The following ZNF608 variants were observed in gnomAD, a reference collection of about 807,000 sequenced individuals.
ZNF608 encodes renal carcinoma antigen NY-REN-36.
ZNF608 carries 12 observed loss-of-function variants against 109.0 expected under a neutral mutation model. That is an observed-to-expected ratio of 0.11 (90% CI 0.07 to 0.18). The LOEUF is 0.18. Ranked by LOEUF, ZNF608 falls within the 10% of genes least tolerant of loss-of-function variation. The probability of loss-of-function intolerance (pLI) is 1.00; values close to 1 mark genes in which losing one functional copy is unlikely to be tolerated. For missense variants in ZNF608, 1,707 were observed against 1,879.3 expected (o/e 0.91, Z 1.70); for synonymous variants, 732 against 717.4 (o/e 1.02, Z -0.33).
chr5:124,709,298 G>A (rs1753396913), intron 2 of ZNF608, among the ~76,000 whole-genome samples: 1 of 151,198 alleles, frequency 6.6e-6, no homozygotes, highest in Admixed American at 6.6e-5. Context: ...AGGTCACAAA[G>A]CAAGAGAATG....
chr5:124,653,269 G>A (rs1389255003), intron 3 of ZNF608, among the ~76,000 whole-genome samples: 3 of 152,142 alleles, frequency 2.0e-5, no homozygotes, highest in African/African-American at 7.2e-5. Context: ...TAAGAACAAG[G>A]TCTTTATTAT....
Position 124,649,122 on chromosome 5 carries a change from G to T in ZNF608, c.1262C>A (p.Ser421Ter). ...HDWAPPRFCE[S>*]PTSDLEMRGG... ...TCTCATCTCCAGGTCACTTGTCGGT[G>T]ACTCACAAAACCTATGGAAGCAAGT... Residue 421 changes from serine to a stop codon, truncating the protein, a stop_gained, in exon 5 of 10, where the codon TCA becomes TAA. Coordinates refer to ENST00000513986, the MANE Select transcript of ZNF608 (RefSeq NM_020747.3). LOFTEE classifies it high-confidence loss of function. The T allele has an allele frequency of 6.4e-7, 1 of 1,562,832 alleles. No individual in the cohort carries two copies. Among genetic ancestry groups the T allele is most frequent in the Non-Finnish European group, 8.6e-7 (1 of 1,160,188 alleles).
At chr5:124,723,596 G>A (rs1384101474) in intron 2 of ZNF608, among the ~76,000 whole-genome samples, 3 of 152,170 alleles carry the variant, frequency 2.0e-5, no homozygotes, top group African/African-American at 4.8e-5. Context: ...GCTGAGGCAG[G>A]AGAATCACTT....
At chr5:124,724,926 C>T (rs1387232205) in intron 2 of ZNF608, among the ~76,000 whole-genome samples, 2 of 152,146 alleles carry the variant, frequency 1.3e-5, no homozygotes, top group African/African-American at 4.8e-5. Flanking sequence ...GCAAAGCCCC[C>T]CAGTCTCTCC....
At chr5:124,662,214 C>T (rs546206027) in intron 3 of ZNF608, among the ~76,000 whole-genome samples, 103 of 152,344 alleles carry the variant, frequency 6.8e-4, no homozygotes, top group African/African-American at 2.4e-3. Flanking sequence ...ATATACACAG[C>T]AGCGATGTTA....
chr5:124,695,985 A>G (rs1282287709), intron 3 of ZNF608, among the ~76,000 whole-genome samples: 1 of 152,148 alleles, frequency 6.6e-6, no homozygotes, highest in African/African-American at 2.4e-5. Flanking sequence ...GGAGTTCGAG[A>G]CCAGCCTGAC....
At chr5:124,669,803 A>G (rs1050422497) in intron 3 of ZNF608, among the ~76,000 whole-genome samples, 2 of 152,122 alleles carry the variant, frequency 1.3e-5, no homozygotes, top group African/African-American at 4.8e-5. Flanking sequence ...ACTAATCCCT[A>G]GCTCTCCCCT....
chr5:124,648,223 T>C lies in ZNF608; in HGVS notation c.2161A>G (p.Thr721Ala), dbSNP rs1750623594. The C allele has an allele frequency of 1.2e-6, 2 of 1,614,090 alleles. No individual in the cohort carries two copies. Among genetic ancestry groups the C allele is most frequent in the South Asian group, 1.1e-5 (1 of 91,092 alleles). The change falls in exon 5 of 10, where the codon ACC becomes GCC. Residue 721 changes from threonine to alanine, a missense_variant. Transcript: ENST00000513986. ...LGDKEKGKKA[T>A]NCKTDKNLSK... Reference sequence around the variant, plus strand: ...AGGTTTTTGTCCGTTTTGCAGTTGGTAGCTTTTTTGCCCTTTTCTTTATCT... The same window carrying C: ...AGGTTTTTGTCCGTTTTGCAGTTGGCAGCTTTTTTGCCCTTTTCTTTATCT...
In ZNF608 at chr5:124,648,724, C is replaced by A. The variant is rs906484971; in HGVS notation, c.1660G>T (p.Asp554Tyr). The part of the protein sequence containing the change: ...DQGCSSPVLI[D>Y]CPHPNCNKKY... ...TTGTTGCAGTTTGGGTGGGGACAGT[C>A]GATTAACACTGGAGAAGAGCAGCCT... The change falls in exon 5 of 10, where the codon GAC becomes TAC. Residue 554 changes from aspartate (D) to tyrosine (Y), a missense_variant. Asp to Tyr is a radical substitution (Grantham distance 160). Around this residue, in one of 7 missense-constraint regions of ZNF608, gnomAD observed 22 missense variants for 52.2 expected, o/e 0.42. Coordinates refer to ENST00000513986, the MANE Select transcript of ZNF608 (RefSeq NM_020747.3). 1.9e-6 allele frequency: 3 copies of A among 1,614,186 alleles called. No homozygotes were observed. Among genetic ancestry groups the A allele is most frequent in the Non-Finnish European group, 8.5e-7 (1 of 1,180,042 alleles).
At chr5:124,692,081 A>G (rs546612237) in intron 3 of ZNF608, among the ~76,000 whole-genome samples, 1 of 152,302 alleles carries the variant, frequency 6.6e-6, no homozygotes, top group African/African-American at 2.4e-5. Flanking sequence ...GATATGAATG[A>G]TTTGAGGGAA....
intron 3 of ZNF608, among the ~76,000 whole-genome samples, chr5:124,650,786 C>T (rs376684311): frequency 1.3e-5 from 2 of 152,180 alleles, no homozygotes; most frequent in African/African-American, 2.4e-5. Context: ...CTTGGAAGCA[C>T]CAGAAGACAT....
At chr5:124,704,774 C>G (rs1753192445) in intron 2 of ZNF608, among the ~76,000 whole-genome samples, 1 of 152,086 alleles carries the variant, frequency 6.6e-6, no homozygotes, top group Non-Finnish European at 1.5e-5. Context: ...TGCTTCCACC[C>G]TCTGCCTGAA....
intron 3 of ZNF608, among the ~76,000 whole-genome samples, chr5:124,691,739 A>C (rs749454194): frequency 1.3e-5 from 2 of 152,218 alleles, no homozygotes; most frequent in Non-Finnish European, 2.9e-5. Context: ...ATTATTACAC[A>C]TATATGATGT....
chr5:124,667,828 G>A (rs1751542595), intron 3 of ZNF608, among the ~76,000 whole-genome samples: 4 of 152,160 alleles, frequency 2.6e-5, no homozygotes, highest in Non-Finnish European at 5.9e-5. Flanking sequence ...CACATAGGCA[G>A]TAATCTGTGG....
intron 3 of ZNF608, among the ~76,000 whole-genome samples, chr5:124,686,834 G>A (rs1456909197): frequency 6.6e-6 from 1 of 152,204 alleles, no homozygotes; most frequent in Non-Finnish European, 1.5e-5. Flanking sequence ...GTAAGTCCTC[G>A]AAGAGCTGGC....
upstream of ZNF608, chr5:124,746,852 G>C (rs1749657365): frequency 2.2e-6 from 2 of 904,178 alleles, no homozygotes; most frequent in South Asian, 1.0e-4. Flanking sequence ...ATGAGAAACT[G>C]GGCAAGAGGA....
chr5:124,712,949 A>G (rs1406023754), intron 2 of ZNF608, among the ~76,000 whole-genome samples: 2 of 152,184 alleles, frequency 1.3e-5, no homozygotes, highest in Non-Finnish European at 2.9e-5. Flanking sequence ...CATGTCCCTT[A>G]ATCTTTGTAT....
chr5:124,705,271 C>G (rs1351488136), intron 2 of ZNF608, among the ~76,000 whole-genome samples: 8 of 152,116 alleles, frequency 5.3e-5, no homozygotes, highest in Non-Finnish European at 1.2e-4. Context: ...GGCAGCATAC[C>G]AGGACTTGAA....
chr5:124,726,964 C>A (rs1176665150), intron 2 of ZNF608, among the ~76,000 whole-genome samples: 1 of 152,230 alleles, frequency 6.6e-6, no homozygotes, highest in African/African-American at 2.4e-5. Flanking sequence ...TCTCTCAATT[C>A]AGCATCAGTT....
Sources: allele counts gnomAD v4.1 joint callset (sites outside exome capture counted in the v4.1 genomes callset), GRCh38; gene constraint gnomAD v4.1.1; regional missense constraint gnomAD v4.1.1; transcripts MANE v1.5; gene names NCBI Gene and HGNC (gene_info 2026-07-23, HGNC 2026-07-21).